FRMPD1: variants seen among roughly 807,000 people sequenced by gnomAD.
FRMPD1 encodes the protein FERM and PDZ domain-containing protein 1.
A neutral mutation model predicts 117.8 loss-of-function variants in FRMPD1; 76 were observed. The observed-to-expected ratio is 0.65, with a 90% CI of 0.54 to 0.78. FRMPD1 has a LOEUF of 0.78. Ranked by LOEUF, FRMPD1 falls within the 30% of genes least tolerant of loss-of-function variation. The probability of loss-of-function intolerance (pLI) is 0.00; values close to 1 mark genes in which losing one functional copy is unlikely to be tolerated. For missense variants in FRMPD1, 1,786 were observed against 1,964.5 expected (o/e 0.91, Z 1.72); for synonymous variants, 783 against 770.4 (o/e 1.02, Z -0.27).
At chr9:37,703,255 C>G (rs1409557341) in intron 2 of FRMPD1, among the ~76,000 whole-genome samples, 2 of 152,140 alleles carry the variant, frequency 1.3e-5, no homozygotes, top group Non-Finnish European at 2.9e-5. Context: ...AATCTCAGGA[C>G]TAGTACCTGT....
chr9:37,709,178 A>G (rs1330295255), intron 4 of FRMPD1, among the ~76,000 whole-genome samples: 1 of 152,142 alleles, frequency 6.6e-6, no homozygotes, highest in Non-Finnish European at 1.5e-5. Flanking sequence ...TTAAGGGCAC[A>G]TGAAGCTTTG....
intron 2 of FRMPD1, among the ~76,000 whole-genome samples, chr9:37,703,623 A>T (rs1822606419): frequency 1.3e-5 from 2 of 152,220 alleles, no homozygotes; most frequent in South Asian, 2.1e-4. Context: ...AACTGTCACA[A>T]GTCCATTTTG....
chr9:37,633,873 T>G, the FRMPD1 span, among the ~76,000 whole-genome samples: 1 of 152,048 alleles, frequency 6.6e-6, no homozygotes, highest in Non-Finnish European at 1.5e-5. Context: ...AATAAAGAAA[T>G]AAATAAAAGA....
chr9:37,637,430 A>G, the FRMPD1 span: 1,174 of 628,826 alleles, frequency 1.9e-3, 19 homozygotes, highest in East Asian at 0.032. Flanking sequence ...CCTTTTTAGT[A>G]TACAGTTCTG....
At chr9:37,649,091 G>A (rs1259849627), upstream of FRMPD1, among the ~76,000 whole-genome samples, 1 of 152,098 alleles carries the variant, frequency 6.6e-6, no homozygotes, top group Admixed American at 6.6e-5. Context: ...GGAAATGGAG[G>A]GGGACAGGGC....
At chr9:37,640,049 A>C in the FRMPD1 span, among the ~76,000 whole-genome samples, 1 of 148,438 alleles carries the variant, frequency 6.7e-6, no homozygotes, top group African/African-American at 2.5e-5. Context: ...GGGACTAAGC[A>C]TAGCTCTGTC....
At chr9:37,629,272 G>A in the FRMPD1 span, among the ~76,000 whole-genome samples, 3 of 152,288 alleles carry the variant, frequency 2.0e-5, no homozygotes, top group African/African-American at 7.2e-5. Flanking sequence ...AACAAACCCT[G>A]CTGATAATTC....
At chr9:37,663,796 T>C (rs1821070900) in intron 1 of FRMPD1, among the ~76,000 whole-genome samples, 2 of 152,346 alleles carry the variant, frequency 1.3e-5, no homozygotes, top group South Asian at 4.1e-4. Flanking sequence ...CCTATGCATA[T>C]CCTCTTGTAT....
intron 6 of FRMPD1, among the ~76,000 whole-genome samples, chr9:37,720,556 C>G (rs904195500): frequency 5.9e-5 from 9 of 152,142 alleles, no homozygotes; most frequent in African/African-American, 2.2e-4. Flanking sequence ...GTAGTCCCAG[C>G]TACTTGGGAG....
intron 1 of FRMPD1, among the ~76,000 whole-genome samples, chr9:37,675,752 G>C (rs904679593): frequency 6.6e-5 from 10 of 152,158 alleles, no homozygotes; most frequent in African/African-American, 2.4e-4. Context: ...GAGGTGGCAG[G>C]GGCCTTAGAA....
At chr9:37,743,760 C>T (rs1400436863) in intron 15 of FRMPD1, among the ~76,000 whole-genome samples, 1 of 151,342 alleles carries the variant, frequency 6.6e-6, no homozygotes, top group Non-Finnish European at 1.5e-5. Flanking sequence ...CAGCTGGGTG[C>T]AGTGGCTCAA....
At chr9:37,744,083 G>C (rs536994527) in intron 15 of FRMPD1, among the ~76,000 whole-genome samples, 5 of 152,010 alleles carry the variant, frequency 3.3e-5, no homozygotes, top group Admixed American at 2.0e-4. Context: ...CAGCTACTCC[G>C]GGGGGATGAG....
chr9:37,636,703 G>T, the FRMPD1 span: 17 of 1,564,742 alleles, frequency 1.1e-5, no homozygotes, highest in Non-Finnish European at 1.5e-5. Context: ...AACAACCACC[G>T]CCAGCCGGCT....
At chr9:37,704,984 T>C (rs1729389353) in intron 2 of FRMPD1, among the ~76,000 whole-genome samples, 1 of 152,214 alleles carries the variant, frequency 6.6e-6, no homozygotes, top group African/African-American at 2.4e-5. Context: ...TCACTAGTTT[T>C]GTTACTTGAA....
intron 2 of FRMPD1, among the ~76,000 whole-genome samples, chr9:37,697,960 C>A (rs1039328643): frequency 6.6e-6 from 1 of 152,082 alleles, no homozygotes; most frequent in Non-Finnish European, 1.5e-5. Flanking sequence ...ACTAAAAATA[C>A]GAAAATTAGC....
At chr9:37,656,508 T>C (rs1563920040) in intron 1 of FRMPD1, among the ~76,000 whole-genome samples, 1 of 152,230 alleles carries the variant, frequency 6.6e-6, no homozygotes, top group East Asian at 1.9e-4. Flanking sequence ...ACACCAAATA[T>C]ACCTATGCAC....
rs927677060 is a variant in FRMPD1, at chr9:37,745,561, C to G, written c.3529C>G (p.Pro1177Ala). The G allele has an allele frequency of 1.9e-6, 3 of 1,613,814 alleles. No individual in the cohort carries two copies. Among genetic ancestry groups the G allele is most frequent in the African/African-American group, 2.7e-5 (2 of 74,912 alleles). ...VTGTEQIPPH[P>A]PRDPQGQSRE... The stretch of plus-strand genomic sequence containing the variant: ...AGGGACCGAGCAGATCCCACCACAT[C>G]CCCCTAGAGACCCTCAAGGACAGAG... Residue 1177 changes from proline to alanine, a missense_variant, in exon 16 of 16, where the codon CCC (proline) becomes GCC (alanine). Coordinates refer to ENST00000377765, the MANE Select transcript of FRMPD1 (RefSeq NM_014907.3).
chr9:37,744,947 C>A lies in FRMPD1; in HGVS notation c.2915C>A (p.Ser972Tyr). ...TCCTCAGCAAGCACTCCTCACTGTT[C>A]TAACCCAGGTTCATCTGGCCCAGAT... ...ASSSASTPHC[S>Y]NPGSSGPDTA... The change falls in exon 16 of 16, where the codon TCT becomes TAT. Residue 972 changes from serine (S) to tyrosine (Y), a missense_variant. Transcript: ENST00000377765. The A allele has an allele frequency of 6.2e-7, 1 of 1,614,208 alleles. No individual in the cohort carries two copies. Among genetic ancestry groups the A allele is most frequent in the African/African-American group, 1.3e-5 (1 of 75,056 alleles).
upstream of FRMPD1, among the ~76,000 whole-genome samples, chr9:37,646,140 G>C (rs2119336439): frequency 6.6e-6 from 1 of 152,322 alleles, no homozygotes; most frequent in Admixed American, 6.5e-5. Context: ...AGTAGTCCCT[G>C]AGTCTTGGCT....
Sources: allele counts gnomAD v4.1 joint callset (sites outside exome capture counted in the v4.1 genomes callset), GRCh38; gene constraint gnomAD v4.1.1; transcripts MANE v1.5; gene names NCBI Gene and HGNC (gene_info 2026-07-23, HGNC 2026-07-21).